Variants in FRMPD4 observed in about 807,000 individuals in gnomAD.
FRMPD4 encodes the protein FERM and PDZ domain containing 4.
A neutral mutation model predicts 94.1 loss-of-function variants in FRMPD4; 22 were observed. That is an observed-to-expected ratio of 0.23 (90% CI 0.17 to 0.33). The LOEUF (loss-of-function observed/expected upper bound fraction) is 0.33, where lower values mean the gene tolerates loss of function less well. Ranked by LOEUF, FRMPD4 falls within the 10% of genes least tolerant of loss-of-function variation. The pLI, the probability that FRMPD4 is intolerant of heterozygous loss-of-function variation, is 1.00. For synonymous variants in FRMPD4, 631 were observed against 548.6 expected (o/e 1.15, Z -2.10); for missense variants, 1,111 against 1,339.9 (o/e 0.83, Z 2.67).
intron 1 of FRMPD4, among the ~76,000 whole-genome samples, chrX:12,492,494 A>G (rs1021469936): frequency 5.3e-5 from 6 of 112,502 alleles, no homozygotes; most frequent in East Asian, 5.5e-4. Flanking sequence ...GTCTTTTACC[A>G]TAGTGAAACT....
intron 2 of FRMPD4, among the ~76,000 whole-genome samples, chrX:12,540,234 G>T (rs747561700): frequency 1.3e-4 from 15 of 111,386 alleles, no homozygotes; most frequent in African/African-American, 2.0e-4. Flanking sequence ...AATCCACACA[G>T]AACAATATTA....
At chrX:12,555,212 A>G (rs1330848342) in intron 2 of FRMPD4, among the ~76,000 whole-genome samples, 2 of 110,923 alleles carry the variant, frequency 1.8e-5, no homozygotes, top group East Asian at 2.8e-4. Flanking sequence ...ATGGACCTCT[A>G]CCTCACCTTC....
chrX:11,857,644 A>G (rs762251749), intron 1 of FRMPD4, among the ~76,000 whole-genome samples: 10 of 113,115 alleles, frequency 8.8e-5, no homozygotes, highest in African/African-American at 3.2e-4. Context: ...ACCATTCAGG[A>G]CATAGGCACA....
intron 3 of FRMPD4, among the ~76,000 whole-genome samples, chrX:11,897,150 C>CAA (rs997285182): frequency 0.011 from 438 of 40,628 alleles, 1 homozygote; most frequent in Middle Eastern, 0.043. Flanking sequence ...GGATGAATTA[C>CAA]AAAAAAAAAA....
intron 1 of FRMPD4, among the ~76,000 whole-genome samples, chrX:12,186,074 T>C (rs997776273): frequency 1.1e-4 from 12 of 111,855 alleles, no homozygotes; most frequent in African/African-American, 3.9e-4. Flanking sequence ...TCTTTTATTG[T>C]TTGCATGCAG....
At chrX:11,961,528 A>G (rs192088058) in intron 3 of FRMPD4, among the ~76,000 whole-genome samples, 9 of 112,205 alleles carry the variant, frequency 8.0e-5, no homozygotes, top group Non-Finnish European at 3.8e-5. Flanking sequence ...GATTAAAGCA[A>G]TGCCATATCA....
At chrX:12,154,851 C>T (rs1429184639) in intron 1 of FRMPD4, among the ~76,000 whole-genome samples, 1 of 112,516 alleles carries the variant, frequency 8.9e-6, no homozygotes, top group Non-Finnish European at 1.9e-5. Flanking sequence ...CTCCATCAGC[C>T]TCAGGCTTTG....
chrX:11,972,556 G>A (rs1420516867), intron 3 of FRMPD4, among the ~76,000 whole-genome samples: 1 of 112,233 alleles, frequency 8.9e-6, no homozygotes, highest in East Asian at 2.8e-4. Context: ...GTATTTTGAA[G>A]CACAGGGGCT....
In FRMPD4 at chrX:12,478,816, G is replaced by A. The variant is rs138749722; in HGVS notation, c.42-19864G>A. Reference sequence around the variant, plus strand: ...GGGGATAGGAATAATGACCTTGTCTGCTTGTTTAGATAATTAAATGTGATA... The same window carrying A: ...GGGGATAGGAATAATGACCTTGTCTACTTGTTTAGATAATTAAATGTGATA... On this transcript the variant is annotated intron_variant, in intron 1 of 16. Transcript: ENST00000675598. 4.9e-3 allele frequency among the ~76,000 whole-genome samples: 551 copies of A among 111,717 alleles called. 4 individuals carry two copies. Among genetic ancestry groups the A allele is most frequent in the African/African-American group, 0.017 (521 of 30,877 alleles).
chrX:12,652,354 C>A (rs945222209), intron 4 of FRMPD4, among the ~76,000 whole-genome samples: 2 of 112,181 alleles, frequency 1.8e-5, no homozygotes, highest in African/African-American at 6.5e-5. Flanking sequence ...TTCTTTTTTG[C>A]ACTGTGGTAA....
At chrX:11,932,532 T>C (rs2054127595) in intron 3 of FRMPD4, among the ~76,000 whole-genome samples, 1 of 111,166 alleles carries the variant, frequency 9.0e-6, no homozygotes, top group Non-Finnish European at 1.9e-5. Context: ...AAAATAACAA[T>C]AACTTTTTGG....
At chrX:12,500,758 CG>C (rs1404903020) in intron 2 of FRMPD4, among the ~76,000 whole-genome samples, 1 of 111,431 alleles carries the variant, frequency 9.0e-6, no homozygotes, top group Admixed American at 9.5e-5. Context: ...AATTTCATAC[CG>C]TTTGTCCAAG....
chrX:12,590,630 A>T (rs771485043), intron 2 of FRMPD4, among the ~76,000 whole-genome samples: 1 of 112,346 alleles, frequency 8.9e-6, no homozygotes, highest in African/African-American at 3.2e-5. Flanking sequence ...TTATATCCTT[A>T]TTTGCGAAGT....
At chrX:12,200,003 T>A (rs1394533180) in intron 1 of FRMPD4, among the ~76,000 whole-genome samples, 1 of 110,957 alleles carries the variant, frequency 9.0e-6, no homozygotes, top group Admixed American at 9.6e-5. Context: ...CTGATCCCTC[T>A]AGTACAGGAT....
At chrX:12,258,687 G>A (rs1046934478) in intron 1 of FRMPD4, among the ~76,000 whole-genome samples, 27 of 110,613 alleles carry the variant, frequency 2.4e-4, no homozygotes, top group African/African-American at 8.9e-4. Context: ...ACTTTTTATC[G>A]ATATGTAATA....
chrX:12,625,285 A>G (rs1377374160), intron 4 of FRMPD4, among the ~76,000 whole-genome samples: 1 of 111,632 alleles, frequency 9.0e-6, no homozygotes, highest in East Asian at 2.8e-4. Context: ...TATCACTACT[A>G]GATACATATT....
chrX:12,572,308 C>T (rs1320704967), intron 2 of FRMPD4, among the ~76,000 whole-genome samples: 3 of 112,043 alleles, frequency 2.7e-5, no homozygotes, highest in Non-Finnish European at 3.8e-5. Context: ...TTATAATTCA[C>T]TCACCCATTT....
chrX:12,374,184 C>T (rs1239774773), intron 1 of FRMPD4, among the ~76,000 whole-genome samples: 2 of 111,965 alleles, frequency 1.8e-5, no homozygotes, highest in Non-Finnish European at 3.8e-5. Flanking sequence ...TTAAGGAAAA[C>T]AAAGCTGAGC....
chrX:11,837,682 T>C lies in FRMPD4; in HGVS notation c.-161+14967T>C, dbSNP rs755361779. On this transcript the variant is annotated intron_variant, in intron 1 of 18. Coordinates refer to the FRMPD4 transcript ENST00000640291. ...TGAAAAGCAGAAGTGAATAGTAACTTACAATGAGAATGGAGTTCGTTTGTT... is the reference window on the plus strand; with the variant it reads ...TGAAAAGCAGAAGTGAATAGTAACTCACAATGAGAATGGAGTTCGTTTGTT... Among the ~76,000 whole-genome samples the C allele has an allele frequency of 1.4e-4, 16 of 111,548 alleles. No homozygotes were observed. The South Asian group carries it at 5.6e-3, about 39-fold the overall frequency.
Sources: allele counts gnomAD v4.1 joint callset (sites outside exome capture counted in the v4.1 genomes callset), GRCh38; gene constraint gnomAD v4.1.1; transcripts MANE v1.5; gene names NCBI Gene and HGNC (gene_info 2026-07-23, HGNC 2026-07-21).